The following UBXN1 variants were observed in gnomAD, a reference collection of about 807,000 sequenced individuals.
The protein encoded by UBXN1 is UBX domain protein 1, also known as UBX domain-containing protein 1.
Under a neutral mutation model 42.0 loss-of-function variants are expected in UBXN1, and 21 were observed. The ratio of observed to expected loss-of-function variants is 0.50; its 90% CI spans 0.35 to 0.72. UBXN1 has a LOEUF of 0.72. Among genes scored for constraint, UBXN1 ranks in the 30% least tolerant of loss-of-function variants. UBXN1 has a pLI of 0.00. For missense variants in UBXN1, 374 were observed against 382.2 expected (o/e 0.98, Z 0.18); for synonymous variants, 172 against 142.6 (o/e 1.21, Z -1.47).
At chr11:62,677,397 G>A (rs1180093204) in intron 7 of UBXN1, 121 bp downstream of exon 7, 3 of 1,012,628 alleles carry the variant, frequency 3.0e-6, no homozygotes, top group Non-Finnish European at 4.6e-6. Flanking sequence ...GATTTCAAAA[G>A]TCATTTACAA....
intron 7 of UBXN1, 168 bp from the exon 8 acceptor site, chr11:62,677,173 G>A: frequency 6.8e-6 from 5 of 732,398 alleles, no homozygotes; most frequent in East Asian, 5.4e-5. Flanking sequence ...ACTAAGTGCG[G>A]ATGAGAGACT....
In UBXN1 at chr11:62,678,823, G is replaced by C. The variant is rs867343258; in HGVS notation, c.59+42C>G. On this transcript the variant is annotated intron_variant, in intron 1 of 8. Transcript: ENST00000301935. ...GGGGCAAAGGCCGAGACAGGTCCGC[G>C]ACCCCCCACACCCGCAGGCCGGGGT... The C allele has an allele frequency of 3.1e-6, 5 of 1,609,356 alleles. No individual in the cohort carries two copies. In the Middle Eastern group the frequency reaches 6.6e-4, roughly 214 times the overall value.
Position 62,678,029 on chromosome 11 carries a change from T to A in UBXN1, c.380A>T (p.Gln127Leu). 6.2e-7 allele frequency: 1 copy of A among 1,614,146 alleles called. No homozygotes were observed. The highest frequency in any genetic ancestry group is 8.5e-7 in the Non-Finnish European group (1 of 1,180,036). ...TCGTGCTGCTGACAACTCTTGCCCT[T>A]GTCTCCTGCGCTGCCGTTCCCGTTC... ...ALERERQRRR[Q>L]GQELSAARQR... The change falls in exon 5 of 9, where the codon CAA (glutamine) becomes CTA (leucine). Residue 127 changes from glutamine to leucine, a missense_variant. Coordinates refer to ENST00000301935, the MANE Select transcript of UBXN1 (RefSeq NM_001286077.2).
chr11:62,678,135 A>G lies in UBXN1; in HGVS notation c.291-17T>C, dbSNP rs1217464962. ...TCCAACATCCTGTGTTGCCGAGGGA[A>G]AACAGTTCAAGAGAAATGGACAGAG... On this transcript the variant is annotated splice_polypyrimidine_tract_variant and intron_variant, in intron 4 of 8. Coordinates refer to ENST00000301935, the MANE Select transcript of UBXN1 (RefSeq NM_001286077.2). 6.2e-7 allele frequency: 1 copy of G among 1,612,888 alleles called. No individual in the cohort carries two copies. Among genetic ancestry groups the G allele is most frequent in the African/African-American group, 1.3e-5 (1 of 74,890 alleles).
intron 7 of UBXN1, 129 bp from the exon 8 acceptor site, chr11:62,677,134 C>G (rs1945033120): frequency 9.2e-7 from 1 of 1,085,406 alleles, no homozygotes; most frequent in Admixed American, 2.8e-5. Context: ...TTTAAAGCAC[C>G]AAATGAACAG....
rs1203940763 is a variant in UBXN1 at position 62,678,853 on chromosome 11, G to A, written c.59+12C>T. ...CCCACACCCGCAGGCCGGGGTTGGG[G>A]AACTCCCTTACGCGCGTCCCCTGGG... On this transcript the variant is annotated intron_variant, in intron 1 of 8. Coordinates refer to ENST00000301935, the MANE Select transcript of UBXN1 (RefSeq NM_001286077.2). The A allele has an allele frequency of 5.0e-6, 8 of 1,607,320 alleles. No homozygotes were observed. The highest frequency in any genetic ancestry group is 5.9e-6 in the Non-Finnish European group (7 of 1,178,100).
chr11:62,678,692 G>C lies in UBXN1; in HGVS notation c.111C>G (p.Asp37Glu). ...CGCCACCCGGGACGAGCGCTTACCA[G>C]TCCATCGCAGCCTCGATGCCCTGGT... is the stretch of plus-strand genomic sequence containing the variant. ...TGNQGIEAAM[D>E]WLMEHEDDPD... Residue 37 changes from aspartate (D) to glutamate (E), a missense_variant and splice_region_variant, in exon 2 of 9, where the codon GAC (aspartate) becomes GAG (glutamate). Coordinates refer to ENST00000301935, the MANE Select transcript of UBXN1 (RefSeq NM_001286077.2). 7.2e-7 allele frequency: 1 copy of C among 1,392,146 alleles called. No individual in the cohort carries two copies. The highest frequency in any genetic ancestry group is 1.1e-5 in the South Asian group (1 of 88,202). The allele number at this position is 1,392,146 out of a possible 1,614,324, so 86.2% of individuals were successfully genotyped here.
chr11:62,678,589 G>A lies in UBXN1; in HGVS notation c.126C>T (p.His42=). 1 of 1,611,540 alleles carries A rather than the reference G, an allele frequency of 6.2e-7. No homozygotes were observed. Residue 42 remains histidine (H), a synonymous_variant, in exon 3 of 9, where the codon CAC becomes CAT. Coordinates refer to ENST00000301935, the MANE Select transcript of UBXN1 (RefSeq NM_001286077.2). ...GCTCGTCCACATCGGGGTCGTCTTC[G>A]TGCTCCATCAGCCTGGCAGGGAAAG... The part of the protein sequence containing the change: ...IEAAMDWLME[H]EDDPDVDEPL...
intron 4 of UBXN1, 24 bp downstream of exon 4, chr11:62,678,315 C>T (rs112860804): frequency 1.8e-5 from 29 of 1,614,164 alleles, no homozygotes; most frequent in African/African-American, 1.2e-4. Context: ...GACCCTCAGA[C>T]ACGTGAGATT....
In UBXN1 at chr11:62,678,704, C is replaced by A. The variant is rs754290527; in HGVS notation, c.99G>T (p.Glu33Asp). ...CGAGCGCTTACCAGTCCATCGCAGC[C>A]TCGATGCCCTGGTTCCCTGTGAGGG... The part of the protein sequence containing the change: ...ALALTGNQGI[E>D]AAMDWLMEHE... Residue 33 changes from glutamate to aspartate, a missense_variant, in exon 2 of 9, where the codon GAG (glutamate) becomes GAT (aspartate). Coordinates refer to ENST00000301935, the MANE Select transcript of UBXN1 (RefSeq NM_001286077.2). 5.0e-6 allele frequency: 8 copies of A among 1,612,860 alleles called. No individual in the cohort carries two copies. Among genetic ancestry groups the A allele is most frequent in the Non-Finnish European group, 6.8e-6 (8 of 1,179,972 alleles).
rs759495353 is a variant in UBXN1 at position 62,676,649 on chromosome 11, G to A, written c.845-10C>T. ...GCAGAAGGCACGAGTCCTGAAGATG[G>A]AAGAAAACAGGCTTGAACCACAAGG... On this transcript the variant is annotated splice_polypyrimidine_tract_variant and intron_variant, in intron 8 of 8. Coordinates refer to ENST00000301935, the MANE Select transcript of UBXN1 (RefSeq NM_001286077.2). 19 of 1,614,050 alleles carry A rather than the reference G, an allele frequency of 1.2e-5. 1 individual carries two copies. The highest frequency in any genetic ancestry group is 6.6e-5 in the South Asian group (6 of 91,090).
chr11:62,677,429 G>C, intron 7 of UBXN1, 89 bp downstream of exon 7: 1 of 1,279,850 alleles, frequency 7.8e-7, no homozygotes, highest in Non-Finnish European at 1.1e-6. Context: ...ATTTGGCAAA[G>C]GGCACGTTAA....
chr11:62,678,644 C>CCCCCCCCCCCCCCCCCAAT, intron 2 of UBXN1, 43 bp from the exon 3 acceptor site: 1 of 1,609,424 alleles, frequency 6.2e-7, no homozygotes, highest in South Asian at 1.1e-5. Flanking sequence ...TGAGGCTGCC[C>CCCCCCCCCCCCCCCCCAAT]CTCCCGCCAG....
At chr11:62,677,161 TTA>T in intron 7 of UBXN1, 156 bp from the exon 8 acceptor site, 1 of 827,048 alleles carries the variant, frequency 1.2e-6, no homozygotes, top group Non-Finnish European at 1.8e-6. Context: ...AGGCTCCGCT[TTA>T]CTAAGTGCGG....
rs550620265 is a variant in UBXN1, at chr11:62,677,988, C to T, written c.421G>A (p.Asp141Asn). 7.4e-6 allele frequency: 12 copies of T among 1,614,168 alleles called. No homozygotes were observed. Among genetic ancestry groups the T allele is most frequent in the East Asian group, 2.2e-5 (1 of 44,880 alleles). The change falls in exon 5 of 9, where the codon GAT (aspartate) becomes AAT (asparagine). Residue 141 changes from aspartate (D) to asparagine (N), a missense_variant. By Grantham distance (23) the Asp-to-Asn change is conservative (BLOSUM62 1). Coordinates refer to ENST00000301935, the MANE Select transcript of UBXN1 (RefSeq NM_001286077.2). ...TCCTCAGCAGCCCGGCGCATCTCAT[C>T]TTCCTGTAGCCGCTGTCGTGCTGCT... Reference protein sequence around the residue: ...LSAARQRLQEDEMRRAAEERR... With the variant: ...LSAARQRLQENEMRRAAEERR...
Position 62,676,786 on chromosome 11 carries a change from T to C in UBXN1, c.844+27A>G. ...GCCTCCCTACTCCCCCAGTTTCTAG[T>C]CCTGGTTTCTAGTCTTGCAGCCATA... On this transcript the variant is annotated intron_variant, in intron 8 of 8. Coordinates refer to ENST00000301935, the MANE Select transcript of UBXN1 (RefSeq NM_001286077.2). The C allele has an allele frequency of 2.5e-6, 4 of 1,614,182 alleles. No homozygotes were observed. The South Asian group carries it at 4.4e-5, about 18-fold the overall frequency.
intron 7 of UBXN1, chr11:62,677,212 A>G (rs1311202510): frequency 3.2e-6 from 2 of 634,406 alleles, no homozygotes; most frequent in African/African-American, 1.8e-5. Flanking sequence ...TAAGAAAGAC[A>G]AGGATAAGAT....
chr11:62,677,886 T>C (rs1290526969), intron 5 of UBXN1, 41 bp downstream of exon 5: 4 of 1,614,066 alleles, frequency 2.5e-6, no homozygotes, highest in Admixed American at 3.3e-5. Flanking sequence ...CAAATCTTGA[T>C]TTCTTTCTCA....
At position 62,678,365 on chromosome 11, in the gene UBXN1, T is replaced by C; in HGVS notation, c.264A>G (p.Glu88=). 3 of 1,614,180 alleles carry C rather than the reference T, an allele frequency of 1.9e-6. No individual in the cohort carries two copies. The highest frequency in any genetic ancestry group is 2.5e-6 in the Non-Finnish European group (3 of 1,180,022). The change falls in exon 4 of 9, where the codon GAA becomes GAG. Residue 88 remains glutamate (E), a synonymous_variant. Coordinates refer to ENST00000301935, the MANE Select transcript of UBXN1 (RefSeq NM_001286077.2). Reference sequence around the variant, plus strand: ...TCTTAGTTTGTTCCTGTCTTTCCTCTTCACTCAAAGCGGGTTTGCCTTCTC... The same window carrying C: ...TCTTAGTTTGTTCCTGTCTTTCCTCCTCACTCAAAGCGGGTTTGCCTTCTC... ...AAGEGKPALS[E]EERQEQTKRM...
Sources: allele counts gnomAD v4.1 joint callset, GRCh38; gene constraint gnomAD v4.1.1; transcripts MANE v1.5; gene names NCBI Gene and HGNC (gene_info 2026-07-23, HGNC 2026-07-21).